The following LINGO2 variants were observed in gnomAD, a reference collection of about 807,000 sequenced individuals.
The protein encoded by LINGO2 is leucine-rich repeat and immunoglobulin-like domain-containing nogo receptor-interacting protein 2.
Under a neutral mutation model 30.6 loss-of-function variants are expected in LINGO2, and 14 were observed. The observed-to-expected ratio is 0.46, with a 90% CI of 0.30 to 0.72. The LOEUF is 0.72. Ranked by LOEUF, LINGO2 falls within the 30% of genes least tolerant of loss-of-function variation. LINGO2 has a pLI of 0.07. For synonymous variants in LINGO2, 317 were observed against 288.5 expected (o/e 1.10, Z -1.00); for missense variants, 729 against 751.7 (o/e 0.97, Z 0.35).
chr9:28,519,973 T>TA (rs568055313), intron 1 of LINGO2, among the ~76,000 whole-genome samples: 113 of 152,242 alleles, frequency 7.4e-4, no homozygotes, highest in African/African-American at 2.7e-3. Flanking sequence ...ATTTTCCAGT[T>TA]AAAAAAATAC....
the LINGO2 span, among the ~76,000 whole-genome samples, chr9:29,075,181 T>C: frequency 3.4e-4 from 51 of 152,136 alleles, no homozygotes; most frequent in Non-Finnish European, 6.5e-4. Context: ...TTCTACTCAT[T>C]ATATTCAAAT....
chr9:29,165,752 T>TA, the LINGO2 span, among the ~76,000 whole-genome samples: 65 of 152,178 alleles, frequency 4.3e-4, no homozygotes, highest in South Asian at 0.013. Flanking sequence ...GATTAAAGTT[T>TA]AAAAAAACTG....
chr9:28,575,877 T>C (rs1823954806), intron 1 of LINGO2, among the ~76,000 whole-genome samples: 1 of 151,460 alleles, frequency 6.6e-6, no homozygotes, highest in Admixed American at 6.6e-5. Context: ...AATTAATGAC[T>C]AAAACACACT....
At chr9:28,617,748 A>G (rs1490938924) in intron 1 of LINGO2, among the ~76,000 whole-genome samples, 2 of 152,042 alleles carry the variant, frequency 1.3e-5, no homozygotes, top group Non-Finnish European at 2.9e-5. Context: ...TTTCATAATT[A>G]CAACCTTACG....
At chr9:28,044,790 G>C (rs1824342589) in intron 4 of LINGO2, among the ~76,000 whole-genome samples, 1 of 149,386 alleles carries the variant, frequency 6.7e-6, no homozygotes, top group Non-Finnish European at 1.5e-5. Context: ...TTCTCTCTCA[G>C]GCATATGTTA....
At chr9:28,543,940 C>G (rs964590375) in intron 1 of LINGO2, among the ~76,000 whole-genome samples, 1 of 152,006 alleles carries the variant, frequency 6.6e-6, no homozygotes, top group African/African-American at 2.4e-5. Context: ...CACAGTGGCT[C>G]ACACCTGTAA....
the LINGO2 span, among the ~76,000 whole-genome samples, chr9:28,829,204 G>C: frequency 5.0e-4 from 76 of 152,300 alleles, no homozygotes; most frequent in Non-Finnish European, 8.2e-4. Flanking sequence ...AGTCCTACTA[G>C]AGATGGCTGG....
chr9:28,634,289 G>A (rs1207777603), intron 1 of LINGO2, among the ~76,000 whole-genome samples: 1 of 152,004 alleles, frequency 6.6e-6, no homozygotes, highest in African/African-American at 2.4e-5. Flanking sequence ...GGAATGTTGT[G>A]TAACTATCTA....
chr9:28,586,233 G>A (rs1421776840), intron 1 of LINGO2, among the ~76,000 whole-genome samples: 1 of 151,848 alleles, frequency 6.6e-6, no homozygotes, highest in Non-Finnish European at 1.5e-5. Context: ...AATAAAACAA[G>A]TTCTATAAGT....
At chr9:28,979,163 T>C in the LINGO2 span, among the ~76,000 whole-genome samples, 4 of 152,132 alleles carry the variant, frequency 2.6e-5, no homozygotes, top group East Asian at 7.7e-4. Flanking sequence ...TTCTTTGAGC[T>C]ATAATTTGAA....
the LINGO2 span, among the ~76,000 whole-genome samples, chr9:28,762,739 G>A: frequency 3.3e-5 from 5 of 151,886 alleles, no homozygotes; most frequent in Middle Eastern, 3.2e-3. Flanking sequence ...GGTTCTTTAG[G>A]ACATTAGTTC....
At chr9:28,310,738 A>G (rs1824581523) in intron 3 of LINGO2, among the ~76,000 whole-genome samples, 1 of 152,202 alleles carries the variant, frequency 6.6e-6, no homozygotes. Flanking sequence ...ATTATAGGTA[A>G]ATAAAGCTGA....
At chr9:29,183,307 A>C in the LINGO2 span, among the ~76,000 whole-genome samples, 7 of 152,336 alleles carry the variant, frequency 4.6e-5, no homozygotes, top group Non-Finnish European at 8.8e-5. Context: ...TTCAATGAAC[A>C]GTGAAAGAAC....
chr9:29,162,171 C>T, the LINGO2 span, among the ~76,000 whole-genome samples: 220 of 152,222 alleles, frequency 1.4e-3, 2 homozygotes, highest in African/African-American at 5.1e-3. Flanking sequence ...CCACCTGCTT[C>T]GGCCTCCAAA....
At chr9:28,589,296 G>A (rs1008332161) in intron 1 of LINGO2, among the ~76,000 whole-genome samples, 3 of 152,080 alleles carry the variant, frequency 2.0e-5, no homozygotes, top group Non-Finnish European at 4.4e-5. Context: ...GGAAGTTCTG[G>A]CCAGGGCAGT....
chr9:29,150,294 C>T, the LINGO2 span, among the ~76,000 whole-genome samples: 14 of 152,106 alleles, frequency 9.2e-5, no homozygotes, highest in East Asian at 1.9e-4. Flanking sequence ...ATTTATACCA[C>T]GATGAAATGG....
intron 1 of LINGO2, among the ~76,000 whole-genome samples, chr9:28,482,692 A>G (rs957100222): frequency 6.6e-6 from 1 of 152,022 alleles, no homozygotes; most frequent in Admixed American, 6.6e-5. Context: ...GACATGAAGC[A>G]TATCTACAAC....
intron 2 of LINGO2, among the ~76,000 whole-genome samples, chr9:28,380,297 C>A (rs764890604): frequency 5.9e-5 from 9 of 151,840 alleles, no homozygotes; most frequent in Non-Finnish European, 1.3e-4. Context: ...AGCCTACCCA[C>A]CAATTTCCAT....
intron 4 of LINGO2, among the ~76,000 whole-genome samples, chr9:28,281,677 T>C (rs1024412425): frequency 6.6e-6 from 1 of 152,054 alleles, no homozygotes; most frequent in African/African-American, 2.4e-5. Context: ...GAGATGTGGA[T>C]AGCAGCTCAT....
Sources: allele counts gnomAD v4.1 joint callset (sites outside exome capture counted in the v4.1 genomes callset), GRCh38; gene constraint gnomAD v4.1.1; transcripts MANE v1.5; gene names NCBI Gene and HGNC (gene_info 2026-07-23, HGNC 2026-07-21).